The following DST variants were observed in gnomAD, a reference collection of about 807,000 sequenced individuals.
DST encodes bullous pemphigoid antigen.
Under a neutral mutation model 875.2 loss-of-function variants are expected in DST, and 253 were observed. That is an observed-to-expected ratio of 0.29 (90% CI 0.26 to 0.32). The LOEUF (loss-of-function observed/expected upper bound fraction) is 0.32, where lower values mean the gene tolerates loss of function less well. DST is among the 10% of genes least tolerant of loss of function. The pLI, the probability that DST is intolerant of heterozygous loss-of-function variation, is 1.00. For synonymous variants in DST, 3,124 were observed against 3,197.1 expected, an observed-to-expected ratio of 0.98 and a Z score of 0.77; for missense variants, 8,287 against 9,111.6, an observed-to-expected ratio of 0.91 and a Z score of 3.68.
At chr6:56,517,480 A>G (rs1239365837) in intron 70 of DST, 21 bp downstream of exon 70, 1 of 1,608,884 alleles carries the variant, frequency 6.2e-7, no homozygotes, top group South Asian at 1.1e-5. Context: ...TCATATGGCA[A>G]TTGGAAATGT....
At chr6:56,863,407 T>C (rs1772324935) in intron 3 of DST, among the ~76,000 whole-genome samples, 1 of 152,198 alleles carries the variant, frequency 6.6e-6, no homozygotes, top group Non-Finnish European at 1.5e-5. Context: ...TGACTTCCAA[T>C]TGTCTGTAAG....
Position 56,529,761 on chromosome 6 carries a change from T to C in DST, c.17282A>G (p.Asp5761Gly). 1.9e-6 allele frequency: 3 copies of C among 1,581,282 alleles called. No individual in the cohort carries two copies. Among genetic ancestry groups the C allele is most frequent in the Non-Finnish European group, 2.6e-6 (3 of 1,164,958 alleles). Residue 5761 changes from aspartate (D) to glycine (G), a missense_variant, in exon 66 of 104, where the codon GAC (aspartate) becomes GGC (glycine). By Grantham distance (94) the Asp-to-Gly change is moderately conservative (BLOSUM62 -1). Coordinates refer to ENST00000680361, the MANE Select transcript of DST (RefSeq NM_001374736.1). ...TAAATGTTTATTGTGATTGATGATG[T>C]CATCTTCTAAGGCCTAAGCAAAGTT... The part of the protein sequence containing the change: ...QIAQHKALED[D>G]IINHNKHLHQ...
At chr6:56,711,062 T>C (rs2099361367) in intron 5 of DST, among the ~76,000 whole-genome samples, 1 of 152,190 alleles carries the variant, frequency 6.6e-6, no homozygotes, top group African/African-American at 2.4e-5. Context: ...ATGTGTCTAC[T>C]TCTTTGGACC....
intron 4 of DST, among the ~76,000 whole-genome samples, chr6:56,806,781 C>T (rs937906356): frequency 3.3e-5 from 5 of 152,158 alleles, no homozygotes; most frequent in Admixed American, 2.6e-4. Flanking sequence ...AGGCCTTTAA[C>T]ATACATCAAT....
At position 56,780,483 on chromosome 6, in the gene DST, T is replaced by C. The variant is rs1300556852; in HGVS notation, c.626-45194A>G. On this transcript the variant is annotated intron_variant, in intron 4 of 103. Coordinates refer to ENST00000680361, the MANE Select transcript of DST (RefSeq NM_001374736.1). ...GCATTTCTCTGATGGCCAGTGATGA[T>C]GAGCATTTTTTCATGTGTCTTTTGG... Among the ~76,000 whole-genome samples the C allele has an allele frequency of 3.3e-5, 5 of 151,640 alleles. No individual in the cohort carries two copies. The South Asian group carries it at 8.3e-4, about 25-fold the overall frequency.
chr6:56,562,759 C>A (rs1482327658), intron 55 of DST, among the ~76,000 whole-genome samples: 1 of 151,094 alleles, frequency 6.6e-6, no homozygotes, highest in East Asian at 1.9e-4. Flanking sequence ...CCCTGACAGG[C>A]CCCGGTGTGT....
intron 7 of DST, 83 bp from the exon 8 acceptor site, chr6:56,702,048 T>C: frequency 1.2e-6 from 1 of 827,470 alleles, no homozygotes; most frequent in South Asian, 1.6e-5. Context: ...CTGTTCATCT[T>C]AATATATCAA....
At chr6:56,575,110 G>A (rs568746532) in intron 50 of DST, among the ~76,000 whole-genome samples, 34 of 152,214 alleles carry the variant, frequency 2.2e-4, no homozygotes, top group Admixed American at 1.3e-4. Context: ...AGTGGGGAGG[G>A]AGACAGCATT....
intron 2 of DST, among the ~76,000 whole-genome samples, chr6:56,932,162 G>A (rs62411426): frequency 6.6e-5 from 10 of 152,122 alleles, no homozygotes; most frequent in African/African-American, 2.4e-4. Context: ...CATGGGGGTG[G>A]TTTCCCCCAG....
chr6:56,618,634 A>G (rs2098654278), intron 36 of DST: 1 of 1,614,132 alleles, frequency 6.2e-7, no homozygotes. Context: ...CAAGTTCTTT[A>G]ATGTTTGTTT....
intron 44 of DST, 75 bp from the exon 45 acceptor site, chr6:56,600,296 G>T: frequency 7.0e-7 from 1 of 1,419,406 alleles, no homozygotes; most frequent in Non-Finnish European, 9.7e-7. Context: ...CTTCTTATTA[G>T]AACACATTTT....
intron 64 of DST, among the ~76,000 whole-genome samples, 183 bp downstream of exon 64, chr6:56,532,161 G>A (rs763742748): frequency 2.0e-5 from 3 of 152,108 alleles, no homozygotes; most frequent in Non-Finnish European, 4.4e-5. Flanking sequence ...GGGATATAGC[G>A]GTGACAAGCC....
At chr6:56,675,869 C>T (rs926024240) in intron 9 of DST, among the ~76,000 whole-genome samples, 13 of 151,764 alleles carry the variant, frequency 8.6e-5, no homozygotes, top group African/African-American at 2.7e-4. Flanking sequence ...AATAAATAAA[C>T]AAATAATTCA....
intron 77 of DST, 131 bp from the exon 78 acceptor site, chr6:56,504,229 T>A: frequency 3.1e-6 from 2 of 642,958 alleles, no homozygotes; most frequent in Non-Finnish European, 5.1e-6. Flanking sequence ...TATAAAAAAT[T>A]AACATGGTTC....
chr6:56,712,569 A>T (rs981857886), intron 5 of DST, among the ~76,000 whole-genome samples: 3 of 152,224 alleles, frequency 2.0e-5, no homozygotes, highest in African/African-American at 7.2e-5. Flanking sequence ...CTAATTAGAC[A>T]TAGTTCATCT....
At chr6:56,551,086 T>C (rs779916232) in intron 61 of DST, among the ~76,000 whole-genome samples, 1 of 152,156 alleles carries the variant, frequency 6.6e-6, no homozygotes, top group Non-Finnish European at 1.5e-5. Context: ...TCAAAGGCGT[T>C]TAATAAACTG....
At chr6:56,469,638 T>C (rs1036391855) in intron 97 of DST, among the ~76,000 whole-genome samples, 8 of 152,176 alleles carry the variant, frequency 5.3e-5, no homozygotes, top group African/African-American at 1.9e-4. Context: ...AGTATTTTCT[T>C]GTGAATTTTT....
intron 49 of DST, among the ~76,000 whole-genome samples, chr6:56,581,405 G>A (rs530075325): frequency 6.6e-6 from 1 of 152,176 alleles, no homozygotes; most frequent in East Asian, 1.9e-4. Flanking sequence ...ATTAAAGGAA[G>A]AGAGAAGTGG....
At chr6:56,826,561 A>G (rs1452551013) in intron 4 of DST, among the ~76,000 whole-genome samples, 1 of 152,090 alleles carries the variant, frequency 6.6e-6, no homozygotes, top group Non-Finnish European at 1.5e-5. Context: ...TTGCATATAG[A>G]ATTTTTTTCT....
Sources: gnomAD v4.1 joint callset for allele counts (sites outside exome capture counted in the v4.1 genomes callset) on GRCh38, gnomAD v4.1.1 for gene constraint, MANE v1.5 for transcripts, NCBI Gene and HGNC (gene_info 2026-07-23, HGNC 2026-07-21) for gene names.